Variants in UNC5C observed in about 807,000 individuals in gnomAD.
The protein encoded by UNC5C is unc-5 netrin receptor C, also known as netrin receptor UNC5C.
In UNC5C, 47 loss-of-function variants were observed where a neutral mutation model predicts 99.8. The ratio of observed to expected loss-of-function variants is 0.47; its 90% CI spans 0.37 to 0.60. The LOEUF (loss-of-function observed/expected upper bound fraction) is 0.60. Ranked by LOEUF, UNC5C falls within the 20% of genes least tolerant of loss-of-function variation. UNC5C has a pLI of 0.00. For missense variants in UNC5C, 1,062 were observed against 1,165.9 expected (o/e 0.91, Z 1.30); for synonymous variants, 487 against 452.2 (o/e 1.08, Z -0.98).
rs59608128 is a variant in UNC5C at position 95,288,097 on chromosome 4, T to TA, written c.491-9736_491-9735insT. Among the ~76,000 whole-genome samples, 533 of 151,278 alleles carry TA rather than the reference T, an allele frequency of 3.5e-3. 1 individual carries two copies. The highest frequency in any genetic ancestry group is 0.015 in the South Asian group (72 of 4,766). On this transcript the variant is annotated intron_variant, in intron 3 of 15. Transcript: ENST00000453304. Reference sequence around the variant, plus strand: ...TTATTTATTTATTTATTTATTTATTTTTTGAGAGGGAGTCTCGCTCTGTCA... The same window carrying TA: ...TTATTTATTTATTTATTTATTTATTTATTTGAGAGGGAGTCTCGCTCTGTCA...
At chr4:95,322,372 A>C (rs1265270650) in intron 2 of UNC5C, among the ~76,000 whole-genome samples, 1 of 152,228 alleles carries the variant, frequency 6.6e-6, no homozygotes, top group Non-Finnish European at 1.5e-5. Context: ...ACTAAATTTC[A>C]GTTCCACAAA....
intron 7 of UNC5C, 74 bp downstream of exon 7, chr4:95,242,355 T>C: frequency 1.8e-5 from 28 of 1,566,404 alleles, no homozygotes; most frequent in Non-Finnish European, 2.4e-5. Context: ...TTATTTCTAA[T>C]GTTTCCTTAA....
chr4:95,173,223 A>C (rs1736194908), intron 14 of UNC5C, among the ~76,000 whole-genome samples: 1 of 142,106 alleles, frequency 7.0e-6, no homozygotes, highest in Non-Finnish European at 1.6e-5. Flanking sequence ...CTAACTGAAT[A>C]CCCTTTATTT....
At chr4:95,209,500 A>G (rs1363105816) in intron 10 of UNC5C, among the ~76,000 whole-genome samples, 1 of 152,228 alleles carries the variant, frequency 6.6e-6, no homozygotes, top group Non-Finnish European at 1.5e-5. Context: ...TTAGAAAACC[A>G]ACACAAATTT....
chr4:95,216,237 C>T, intron 9 of UNC5C, 26 bp from the exon 10 acceptor site: 1 of 1,588,416 alleles, frequency 6.3e-7, no homozygotes, highest in Non-Finnish European at 8.6e-7. Flanking sequence ...GAAAAGCAGT[C>T]ATTTAAGACT....
intron 2 of UNC5C, among the ~76,000 whole-genome samples, chr4:95,324,821 A>G (rs565946749): frequency 3.3e-5 from 5 of 152,156 alleles, no homozygotes; most frequent in South Asian, 4.1e-4. Flanking sequence ...TCATCACACA[A>G]TGAATCTGCT....
intron 1 of UNC5C, among the ~76,000 whole-genome samples, chr4:95,396,367 A>G (rs1264225665): frequency 6.6e-6 from 1 of 152,234 alleles, no homozygotes; most frequent in Non-Finnish European, 1.5e-5. Context: ...TCTGTGAGAT[A>G]AGAAGAGGAG....
At chr4:95,418,121 C>G (rs1258116335) in intron 1 of UNC5C, among the ~76,000 whole-genome samples, 1 of 152,172 alleles carries the variant, frequency 6.6e-6, no homozygotes, top group East Asian at 1.9e-4. Flanking sequence ...GAATGGGTTG[C>G]TTCTTCCAAA....
At chr4:95,328,598 G>C (rs953926959) in intron 2 of UNC5C, among the ~76,000 whole-genome samples, 20 of 143,462 alleles carry the variant, frequency 1.4e-4, no homozygotes, top group Non-Finnish European at 1.4e-4. Flanking sequence ...GGATGGCTGG[G>C]TCAAATGGTA....
intron 3 of UNC5C, among the ~76,000 whole-genome samples, chr4:95,292,366 T>C (rs1390343250): frequency 1.3e-5 from 2 of 151,256 alleles, no homozygotes; most frequent in African/African-American, 2.4e-5. Flanking sequence ...GCCTCCCAGG[T>C]TCACGCCATT....
intron 1 of UNC5C, among the ~76,000 whole-genome samples, chr4:95,460,588 G>A (rs1324561747): frequency 1.3e-5 from 2 of 152,136 alleles, no homozygotes; most frequent in Non-Finnish European, 2.9e-5. Flanking sequence ...TCTCTTGCCT[G>A]CCACCATGTA....
At chr4:95,291,023 C>T (rs1276881827) in intron 3 of UNC5C, among the ~76,000 whole-genome samples, 1 of 152,104 alleles carries the variant, frequency 6.6e-6, no homozygotes, top group Non-Finnish European at 1.5e-5. Context: ...ACAATTTCAG[C>T]CATTCTTCGT....
At chr4:95,515,964 T>C (rs1355842938) in intron 1 of UNC5C, among the ~76,000 whole-genome samples, 1 of 152,236 alleles carries the variant, frequency 6.6e-6, no homozygotes, top group Non-Finnish European at 1.5e-5. Flanking sequence ...ATTAATGCTC[T>C]ATGTGCATGT....
At chr4:95,235,864 C>T (rs1170883795) in intron 7 of UNC5C, among the ~76,000 whole-genome samples, 1 of 152,074 alleles carries the variant, frequency 6.6e-6, no homozygotes, top group Admixed American at 6.5e-5. Context: ...CAGAGAAATG[C>T]AAATCAAAAC....
At chr4:95,200,493 C>CTTACT (rs1327727456) in intron 12 of UNC5C, among the ~76,000 whole-genome samples, 1 of 152,198 alleles carries the variant, frequency 6.6e-6, no homozygotes, top group Admixed American at 6.5e-5. Flanking sequence ...CCTAGGGCAA[C>CTTACT]TTACTTAAAC....
At chr4:95,250,315 G>A (rs1163612937) in intron 5 of UNC5C, among the ~76,000 whole-genome samples, 172 bp downstream of exon 5, 1 of 152,080 alleles carries the variant, frequency 6.6e-6, no homozygotes, top group Admixed American at 6.6e-5. Context: ...AGCCTAGGAG[G>A]TTGAGGCTAG....
intron 1 of UNC5C, among the ~76,000 whole-genome samples, chr4:95,429,666 G>A (rs1746581026): frequency 6.6e-6 from 1 of 152,104 alleles, no homozygotes; most frequent in Non-Finnish European, 1.5e-5. Context: ...CAACAGTGGA[G>A]TCAACACATC....
intron 1 of UNC5C, among the ~76,000 whole-genome samples, chr4:95,470,175 A>G (rs1449752863): frequency 6.6e-6 from 1 of 152,118 alleles, no homozygotes; most frequent in African/African-American, 2.4e-5. Flanking sequence ...TACTTTTTAC[A>G]TTCATTACAT....
chr4:95,279,773 A>G (rs1740987255), intron 3 of UNC5C, among the ~76,000 whole-genome samples: 1 of 152,198 alleles, frequency 6.6e-6, no homozygotes, highest in Non-Finnish European at 1.5e-5. Flanking sequence ...TAGCGAGTGG[A>G]AACCTGAAGA....
Sources: allele counts gnomAD v4.1 joint callset (sites outside exome capture counted in the v4.1 genomes callset), GRCh38; gene constraint gnomAD v4.1.1; transcripts MANE v1.5; gene names NCBI Gene and HGNC (gene_info 2026-07-23, HGNC 2026-07-21).